Variants in SCN2A observed in about 807,000 individuals in gnomAD.
SCN2A encodes sodium channel protein type 2 subunit alpha.
In SCN2A, 20 loss-of-function variants were observed where a neutral mutation model predicts 188.7. The observed-to-expected ratio is 0.11, with a 90% CI of 0.07 to 0.15. The LOEUF (loss-of-function observed/expected upper bound fraction) is 0.15. Among genes scored for constraint, SCN2A ranks in the 10% least tolerant of loss-of-function variants. The pLI is 1.00. For missense variants in SCN2A, 1,278 were observed against 2,445.0 expected, an observed-to-expected ratio of 0.52 and a Z score of 10.07; for synonymous variants, 804 against 833.1, an observed-to-expected ratio of 0.97 and a Z score of 0.60.
chr2:165,286,613 G>C (rs1379389378), intron 1 of SCN2A, among the ~76,000 whole-genome samples: 2 of 152,240 alleles, frequency 1.3e-5, no homozygotes. Context: ...AACCTCACAG[G>C]CCTAGACTTT....
At position 165,389,075 on chromosome 2, in the gene SCN2A, G is replaced by A. The variant is rs749768238; in HGVS notation, c.5269G>A (p.Val1757Ile). 6.2e-7 allele frequency: 1 copy of A among 1,614,000 alleles called. No individual in the cohort carries two copies. The highest frequency in any genetic ancestry group is 1.1e-5 in the South Asian group (1 of 91,062). The change falls in exon 27 of 27, where the codon GTC (valine) becomes ATC (isoleucine). Residue 1757 changes from valine (V) to isoleucine (I), a missense_variant. By Grantham distance (29) the Val-to-Ile change is conservative (BLOSUM62 3). This residue lies in a region of SCN2A where 47 missense variants were observed against 109.0 expected (regional missense o/e 0.43). Coordinates refer to ENST00000375437, the MANE Select transcript of SCN2A (RefSeq NM_001040142.2). The surrounding 1 kb of genome is among the most constrained non-coding windows in gnomAD (Gnocchi z 4.2). Reference protein sequence around the residue: ...GNPSVGIFFFVSYIIISFLVV... With the variant: ...GNPSVGIFFFISYIIISFLVV... ...CCCATCTGTTGGGATTTTCTTTTTTGTCAGTTACATCATCATATCCTTCCT... is the reference window on the plus strand; with the variant it reads ...CCCATCTGTTGGGATTTTCTTTTTTATCAGTTACATCATCATATCCTTCCT...
intron 6 of SCN2A, among the ~76,000 whole-genome samples, chr2:165,309,926 C>T (rs578251100): frequency 4.1e-4 from 62 of 152,216 alleles, no homozygotes; most frequent in African/African-American, 1.4e-3. Flanking sequence ...AATTCATCGA[C>T]TTCAAGATTT....
chr2:165,242,094 G>A (rs1693649373), intron 1 of SCN2A, among the ~76,000 whole-genome samples: 1 of 152,080 alleles, frequency 6.6e-6, no homozygotes, highest in South Asian at 2.1e-4. Context: ...TTGGCTTTTG[G>A]TGTTATGCAT....
At chr2:165,334,804 A>T (rs1302367426) in intron 14 of SCN2A, among the ~76,000 whole-genome samples, 1 of 151,750 alleles carries the variant, frequency 6.6e-6, no homozygotes. Context: ...TGGCATCTAG[A>T]TTGGAACACA....
At chr2:165,306,599 T>C (rs1391314916) in intron 3 of SCN2A, among the ~76,000 whole-genome samples, 1 of 151,560 alleles carries the variant, frequency 6.6e-6, no homozygotes, top group Non-Finnish European at 1.5e-5. Flanking sequence ...CATCATTTAC[T>C]TATGAGTGTT....
chr2:165,299,445 T>C (rs3769928), intron 3 of SCN2A, among the ~76,000 whole-genome samples: 32,685 of 152,070 alleles, frequency 0.21, 4,084 homozygotes, highest in East Asian at 0.36. Flanking sequence ...TGGCTTAGAG[T>C]CACAAATTTA....
chr2:165,388,827 A>G lies in SCN2A; in HGVS notation c.5021A>G (p.Tyr1674Cys). 1 of 1,614,026 alleles carries G rather than the reference A, an allele frequency of 6.2e-7. No homozygotes were observed. The highest frequency in any genetic ancestry group is 8.5e-7 in the Non-Finnish European group (1 of 1,179,988). The change falls in exon 27 of 27, where the codon TAC becomes TGC. Residue 1674 changes from tyrosine to cysteine, a missense_variant. Around this residue, in one of 17 missense-constraint regions of SCN2A, gnomAD observed 47 missense variants for 109.0 expected, o/e 0.43. Transcript: ENST00000375437. ...GLLLFLVMFIYAIFGMSNFAY... is the reference protein window; with the variant it reads ...GLLLFLVMFICAIFGMSNFAY... ...CTTCTTTTCCTGGTCATGTTCATCT[A>G]CGCCATCTTTGGGATGTCCAATTTT...
intron 1 of SCN2A, among the ~76,000 whole-genome samples, chr2:165,261,648 C>T (rs560017090): frequency 1.3e-5 from 2 of 152,274 alleles, no homozygotes; most frequent in South Asian, 2.1e-4. Context: ...TCATATTGAC[C>T]TTTGTTGATA....
chr2:165,260,764 C>T (rs1187201206), intron 1 of SCN2A, among the ~76,000 whole-genome samples: 13 of 151,602 alleles, frequency 8.6e-5, no homozygotes, highest in Non-Finnish European at 1.5e-4. Context: ...GTTAGGAGTT[C>T]GAGACCAGTC....
chr2:165,341,163 G>A (rs1362336552), intron 14 of SCN2A, among the ~76,000 whole-genome samples: 1 of 152,068 alleles, frequency 6.6e-6, no homozygotes, highest in African/African-American at 2.4e-5. Flanking sequence ...GCGCTATCTC[G>A]GCTCACTGCA....
At chr2:165,241,128 C>T (rs1693601282) in intron 1 of SCN2A, 1 of 145,226 alleles carries the variant, frequency 6.9e-6, no homozygotes, top group Non-Finnish European at 1.5e-5. Context: ...TGATGATATT[C>T]ACTGTGCGTG....
rs1559340439 is a variant in SCN2A, at chr2:165,291,506, TCTTTCTTC to T, written c.-51-4264_-51-4257del. 1.6e-3 allele frequency among the ~76,000 whole-genome samples: 229 copies of T among 139,028 alleles called. 4 individuals carry two copies. The highest frequency in any genetic ancestry group is 5.7e-3 in the African/African-American group (210 of 36,986). 91.2% of individuals were successfully genotyped at this position (139,028 alleles called of 152,430 possible). ...TCTTTCTTTCTTTTCTTTCTTTCTT[TCTTTCTTC>T]CTCTCCTTTCTTTCCTTCCTTCCTT... is the stretch of plus-strand genomic sequence containing the variant. On this transcript the variant is annotated intron_variant, in intron 1 of 26. Transcript: ENST00000375437.
At chr2:165,353,646 C>T (rs1194045047) in intron 16 of SCN2A, among the ~76,000 whole-genome samples, 1 of 152,098 alleles carries the variant, frequency 6.6e-6, no homozygotes, top group East Asian at 1.9e-4. Context: ...GTGGAGCAAG[C>T]ATTTCACATG....
intron 1 of SCN2A, among the ~76,000 whole-genome samples, chr2:165,250,696 C>T (rs1694052381): frequency 6.6e-6 from 1 of 151,948 alleles, no homozygotes; most frequent in South Asian, 2.1e-4. Flanking sequence ...ATCTATCTAT[C>T]GTCAAGAATG....
chr2:165,294,172 T>TAAAGGTAGAGAAGCATCACAGA, intron 1 of SCN2A: 1 of 890,530 alleles, frequency 1.1e-6, no homozygotes, highest in Non-Finnish European at 1.3e-6. Context: ...TTATTCTCTG[T>TAAAGGTAGAGAAGCATCACAGA]GATGCTTCTC....
intron 1 of SCN2A, among the ~76,000 whole-genome samples, chr2:165,291,404 C>T (rs1454175001): frequency 6.2e-4 from 88 of 143,014 alleles, no homozygotes; most frequent in African/African-American, 8.9e-4. Context: ...TCCTTCCTTC[C>T]TTCCTTCCTT....
intron 17 of SCN2A, among the ~76,000 whole-genome samples, chr2:165,363,695 A>G (rs1700578905): frequency 6.6e-6 from 1 of 152,150 alleles, no homozygotes; most frequent in African/African-American, 2.4e-5. Context: ...TGACAAAGAT[A>G]TTAGGATTAT....
intron 17 of SCN2A, among the ~76,000 whole-genome samples, chr2:165,364,415 T>C (rs1468878144): frequency 6.6e-6 from 1 of 152,198 alleles, no homozygotes; most frequent in East Asian, 1.9e-4. Context: ...TTTGGTGATA[T>C]TTGATTTAAC....
intron 1 of SCN2A, chr2:165,274,194 A>AT (rs1695227595): frequency 6.6e-6 from 1 of 152,110 alleles, no homozygotes; most frequent in African/African-American, 2.4e-5. Context: ...AAAACTTGAT[A>AT]TTTAATAATA....
Sources: gnomAD v4.1 joint callset for allele counts (sites outside exome capture counted in the v4.1 genomes callset) on GRCh38, gnomAD v4.1.1 for gene constraint, gnomAD v4.1.1 regional missense constraint, Gnocchi (gnomAD v3.1) non-coding constraint, MANE v1.5 for transcripts, NCBI Gene and HGNC (gene_info 2026-07-23, HGNC 2026-07-21) for gene names.